Variants in ATP8A2 observed in about 807,000 individuals in gnomAD.
ATP8A2 encodes the protein phospholipid-transporting ATPase IB.
ATP8A2 carries 100 observed loss-of-function variants against 165.6 expected under a neutral mutation model. That is an observed-to-expected ratio of 0.60 (90% CI 0.51 to 0.71). The LOEUF (loss-of-function observed/expected upper bound fraction) is 0.71, where lower values mean the gene tolerates loss of function less well. Ranked by LOEUF, ATP8A2 falls within the 30% of genes least tolerant of loss-of-function variation. The pLI, the probability that ATP8A2 is intolerant of heterozygous loss-of-function variation, is 0.00. For missense variants in ATP8A2, 1,227 were observed against 1,479.5 expected, an observed-to-expected ratio of 0.83 and a Z score of 2.80; for synonymous variants, 543 against 548.8, an observed-to-expected ratio of 0.99 and a Z score of 0.15.
At position 25,656,965 on chromosome 13, in the gene ATP8A2, A is replaced by G. The variant is rs577913384; in HGVS notation, c.2212-42208A>G. 2.0e-5 allele frequency among the ~76,000 whole-genome samples: 3 copies of G among 149,014 alleles called. No homozygotes were observed. In the South Asian group the frequency reaches 6.5e-4, roughly 32 times the overall value. On this transcript the variant is annotated intron_variant, in intron 24 of 36. Transcript: ENST00000381655. ...CTACTCCAGAGGCTGAGGAAGGACAATCGCTTGAACCCAGGAGATGAAGGT... is the reference window on the plus strand; with the variant it reads ...CTACTCCAGAGGCTGAGGAAGGACAGTCGCTTGAACCCAGGAGATGAAGGT...
chr13:25,562,089 C>A (rs1206808587), intron 15 of ATP8A2, among the ~76,000 whole-genome samples: 2 of 152,142 alleles, frequency 1.3e-5, no homozygotes, highest in Non-Finnish European at 2.9e-5. Context: ...CATCGACATA[C>A]AGGTATCTGT....
In ATP8A2 at chr13:25,513,465, C is replaced by T. The variant is rs2037345899; in HGVS notation, c.222-16534C>T. On this transcript the variant is annotated intron_variant, in intron 2 of 36. Coordinates refer to ENST00000381655, the MANE Select transcript of ATP8A2 (RefSeq NM_016529.6). ...GGCGGCCGGGAAGAGGCGCTCCTCACTTCTCAGACTGGGCAGCCAGGCAGA... is the reference window on the plus strand; with the variant it reads ...GGCGGCCGGGAAGAGGCGCTCCTCATTTCTCAGACTGGGCAGCCAGGCAGA... 2.6e-5 allele frequency among the ~76,000 whole-genome samples: 4 copies of T among 151,768 alleles called. 1 individual carries two copies. Among genetic ancestry groups the T allele is most frequent in the Admixed American group, 2.6e-4 (4 of 15,256 alleles).
At chr13:25,474,055 A>C (rs1388097079) in intron 2 of ATP8A2, among the ~76,000 whole-genome samples, 3 of 152,204 alleles carry the variant, frequency 2.0e-5, no homozygotes, top group Non-Finnish European at 4.4e-5. Flanking sequence ...AGGTCTTCAA[A>C]GCTAGTTAGG....
intron 25 of ATP8A2, among the ~76,000 whole-genome samples, chr13:25,741,021 G>A (rs561965118): frequency 1.3e-5 from 2 of 152,290 alleles, no homozygotes; most frequent in South Asian, 2.1e-4. Context: ...TATAGATAAA[G>A]CTATGTGAGT....
intron 2 of ATP8A2, among the ~76,000 whole-genome samples, chr13:25,516,302 G>A (rs976616571): frequency 2.0e-4 from 31 of 152,206 alleles, no homozygotes; most frequent in African/African-American, 6.7e-4. Flanking sequence ...GGGCAAAAGC[G>A]TTTGGGACCT....
rs569017935 is a variant in ATP8A2, at chr13:25,961,578, A to G, written c.3187A>G (p.Thr1063Ala). 5.6e-6 allele frequency: 9 copies of G among 1,613,190 alleles called. No individual in the cohort carries two copies. The highest frequency in any genetic ancestry group is 4.0e-5 in the African/African-American group (3 of 75,000). The change falls in exon 34 of 37, where the codon ACT becomes GCT. Residue 1063 changes from threonine (T) to alanine (A), a missense_variant. By Grantham distance (58) the Thr-to-Ala change is moderately conservative (BLOSUM62 0). This residue lies in a region of ATP8A2 where 260 missense variants were observed against 245.1 expected (regional missense o/e 1.06). Transcript: ENST00000381655. ...GTGTCACTTCTATTTCTTGCAGGCA[A>G]CTATGGTCCTGAGCTCCGCACACTT... ...PIAPDMRGQA[T>A]MVLSSAHFWL...
At chr13:25,952,662 A>G (rs527909320) in intron 33 of ATP8A2, among the ~76,000 whole-genome samples, 3 of 152,210 alleles carry the variant, frequency 2.0e-5, no homozygotes, top group Middle Eastern at 3.4e-3. Flanking sequence ...GTGAGCCACC[A>G]CGCCTAGCCA....
chr13:25,734,192 G>T (rs544833668), intron 25 of ATP8A2, among the ~76,000 whole-genome samples: 5 of 152,174 alleles, frequency 3.3e-5, no homozygotes, highest in Non-Finnish European at 7.3e-5. Context: ...TAATTGCTGT[G>T]TAAATAAAGC....
At chr13:25,561,786 G>C (rs2039163976) in intron 15 of ATP8A2, among the ~76,000 whole-genome samples, 1 of 152,114 alleles carries the variant, frequency 6.6e-6, no homozygotes, top group Non-Finnish European at 1.5e-5. Context: ...ATTGCTGCCT[G>C]CCTCCAGACC....
chr13:25,519,213 A>G (rs1446980056), intron 2 of ATP8A2, among the ~76,000 whole-genome samples: 1 of 151,988 alleles, frequency 6.6e-6, no homozygotes, highest in Non-Finnish European at 1.5e-5. Context: ...CACCTCCTTC[A>G]GGGCCTAGTT....
At chr13:25,433,764 T>A (rs2034677465) in intron 1 of ATP8A2, among the ~76,000 whole-genome samples, 1 of 152,184 alleles carries the variant, frequency 6.6e-6, no homozygotes, top group Non-Finnish European at 1.5e-5. Flanking sequence ...AAAGGAAATG[T>A]GGTATTTATA....
rs1425818050 is a variant in ATP8A2, at chr13:25,772,740, ATTT to A, written c.2569-2108_2569-2106del. Among the ~76,000 whole-genome samples the A allele has an allele frequency of 2.3e-4, 34 of 150,732 alleles. 1 individual carries two copies. Among genetic ancestry groups the A allele is most frequent in the South Asian group, 6.3e-4 (3 of 4,780 alleles). ...AGAGTTACATTTAATTAATTAATTT[ATTT>A]ATTTATTTATTTATTTATTATTTTT... On this transcript the variant is annotated intron_variant, in intron 26 of 36. Coordinates refer to ENST00000381655, the MANE Select transcript of ATP8A2 (RefSeq NM_016529.6).
intron 33 of ATP8A2, among the ~76,000 whole-genome samples, chr13:25,955,263 A>G (rs1955492117): frequency 6.6e-6 from 1 of 152,218 alleles, no homozygotes; most frequent in Non-Finnish European, 1.5e-5. Context: ...AAGACAAGAA[A>G]TAAGTAAGAT....
chr13:25,771,619 G>T (rs34744404), intron 26 of ATP8A2, among the ~76,000 whole-genome samples: 26,401 of 152,142 alleles, frequency 0.17, 2,441 homozygotes, highest in Middle Eastern at 0.22. Flanking sequence ...AGGGAGCGAG[G>T]CTTTAAAACG....
At chr13:25,963,747 A>C (rs1955715399) in intron 34 of ATP8A2, among the ~76,000 whole-genome samples, 2 of 152,234 alleles carry the variant, frequency 1.3e-5, no homozygotes, top group African/African-American at 4.8e-5. Flanking sequence ...TATAGATTAC[A>C]AAGTGTCTGT....
intron 33 of ATP8A2, among the ~76,000 whole-genome samples, chr13:25,923,936 T>G (rs1954529029): frequency 6.6e-6 from 1 of 152,200 alleles, no homozygotes; most frequent in Admixed American, 6.5e-5. Context: ...GATAGTATAG[T>G]TACAGTGTCT....
chr13:25,813,088 A>G (rs984200280), intron 27 of ATP8A2, among the ~76,000 whole-genome samples: 1 of 152,116 alleles, frequency 6.6e-6, no homozygotes, highest in African/African-American at 2.4e-5. Context: ...GAGCATCAGG[A>G]AAAATAGCTA....
intron 35 of ATP8A2, among the ~76,000 whole-genome samples, chr13:25,985,687 A>G (rs938169385): frequency 6.6e-6 from 1 of 152,228 alleles, no homozygotes; most frequent in African/African-American, 2.4e-5. Flanking sequence ...GACCCAAAGT[A>G]ATGGGGACTA....
At chr13:25,599,266 C>A (rs1484500219) in intron 24 of ATP8A2, among the ~76,000 whole-genome samples, 3 of 152,210 alleles carry the variant, frequency 2.0e-5, no homozygotes, top group Non-Finnish European at 4.4e-5. Flanking sequence ...AGCCACCCAG[C>A]ATTCTCTAAC....
Sources: gnomAD v4.1 joint callset for allele counts (sites outside exome capture counted in the v4.1 genomes callset) on GRCh38, gnomAD v4.1.1 for gene constraint, gnomAD v4.1.1 regional missense constraint, MANE v1.5 for transcripts, NCBI Gene and HGNC (gene_info 2026-07-23, HGNC 2026-07-21) for gene names.